RUBCN: variants seen among roughly 807,000 people sequenced by gnomAD.
The protein encoded by RUBCN is rubicon autophagy regulator.
RUBCN carries 74 observed loss-of-function variants against 113.2 expected under a neutral mutation model. The ratio of observed to expected loss-of-function variants is 0.65; its 90% CI spans 0.54 to 0.79. RUBCN has a LOEUF of 0.79. Ranked by LOEUF, RUBCN falls within the 30% of genes least tolerant of loss-of-function variation. RUBCN has a pLI of 0.00. For missense variants in RUBCN, 1,109 were observed against 1,251.7 expected (o/e 0.89, Z 1.72); for synonymous variants, 480 against 490.0 (o/e 0.98, Z 0.27).
At chr3:197,749,637 C>G in exon 1 of RUBCN, 1 of 951,038 alleles carries the variant, frequency 1.1e-6, no homozygotes, top group South Asian at 1.4e-5. Flanking sequence ...TCACTGAAGG[C>G]ATAAGATTCA....
intron 2 of RUBCN, among the ~76,000 whole-genome samples, chr3:197,712,216 G>A (rs1207864057): frequency 6.6e-6 from 1 of 152,110 alleles, no homozygotes. Context: ...ACAGAAAAGA[G>A]GCTATCAAAT....
At chr3:197,729,401 C>T (rs993934836) in intron 1 of RUBCN, among the ~76,000 whole-genome samples, 1 of 151,788 alleles carries the variant, frequency 6.6e-6, no homozygotes, top group Admixed American at 6.6e-5. Flanking sequence ...TACAGGCGCC[C>T]GCCACCACGC....
At chr3:197,678,899 C>T (rs1266042031) in intron 16 of RUBCN, among the ~76,000 whole-genome samples, 68 of 148,044 alleles carry the variant, frequency 4.6e-4, no homozygotes, top group Non-Finnish European at 7.9e-4. Flanking sequence ...GACTGTCCTA[C>T]GCTCTAACAA....
intron 1 of RUBCN, among the ~76,000 whole-genome samples, chr3:197,731,100 T>C (rs1031968454): frequency 6.6e-6 from 1 of 151,728 alleles, no homozygotes; most frequent in African/African-American, 2.4e-5. Context: ...GATAAACAAG[T>C]GAACAAAGGT....
chr3:197,726,873 A>G (rs1185629997), intron 1 of RUBCN, among the ~76,000 whole-genome samples: 3 of 151,728 alleles, frequency 2.0e-5, no homozygotes, highest in Non-Finnish European at 2.9e-5. Context: ...AAGAAAATAG[A>G]CATCATAGTC....
At chr3:197,701,994 C>T in intron 5 of RUBCN, 130 bp from the exon 6 acceptor site, 1 of 801,616 alleles carries the variant, frequency 1.2e-6, no homozygotes, top group African/African-American at 1.7e-5. Context: ...TAGCCAGAGC[C>T]TGTAGATACA....
At chr3:197,733,190 C>T (rs567861868) in intron 1 of RUBCN, among the ~76,000 whole-genome samples, 33 of 152,280 alleles carry the variant, frequency 2.2e-4, no homozygotes, top group South Asian at 8.3e-4. Flanking sequence ...ATGACACTAC[C>T]GGCTGGGCAC....
chr3:197,727,610 C>T (rs943444114), intron 1 of RUBCN, among the ~76,000 whole-genome samples: 1 of 152,200 alleles, frequency 6.6e-6, no homozygotes, highest in Admixed American at 6.5e-5. Context: ...GTCAGGTCTG[C>T]AGGTAAGCAT....
Position 197,679,368 on chromosome 3 carries a change from T to C in RUBCN, c.2430+1761A>G, listed in dbSNP as rs151301396. Among the ~76,000 whole-genome samples, 1,242 of 133,268 alleles carry C rather than the reference T, an allele frequency of 9.3e-3. 14 individuals are homozygous for C. The highest frequency in any genetic ancestry group is 0.043 in the South Asian group (159 of 3,692). 87.4% of individuals were successfully genotyped at this position (133,268 alleles called of 152,430 possible). A position where few individuals can be genotyped will look rare whatever the true frequency, so the allele number is the denominator to read the frequency against. Reference sequence around the variant, plus strand: ...CTACGCTCTGACTGACAACTGGCTTTAGACTGTCCTACGCTCTAACTTGTC... The same window carrying C: ...CTACGCTCTGACTGACAACTGGCTTCAGACTGTCCTACGCTCTAACTTGTC... On this transcript the variant is annotated intron_variant, in intron 16 of 19. Transcript: ENST00000296343.
rs776599958 is a variant in RUBCN, at chr3:197,684,181, T to C, written c.1823A>G (p.Lys608Arg). The change falls in exon 12 of 20, where the codon AAA becomes AGA. Residue 608 changes from lysine (K) to arginine (R), a missense_variant. Lys to Arg is a conservative substitution (Grantham distance 26). Transcript: ENST00000296343. Reference protein sequence around the residue: ...DIRRNTASSSKSFVSSQSFSH... With the variant: ...DIRRNTASSSRSFVSSQSFSH... ...CAAGGACTGGGAGGAAACGAAGGAT[T>C]TGCTGCTTGAGGCTGTGTTCCTTCT... 3.1e-6 allele frequency: 5 copies of C among 1,613,682 alleles called. No homozygotes were observed. Among genetic ancestry groups the C allele is most frequent in the Admixed American group, 1.7e-5 (1 of 60,008 alleles).
At position 197,726,285 on chromosome 3, in the gene RUBCN, C is replaced by T. The variant is rs577225981; in HGVS notation, c.66-8155G>A. Among the ~76,000 whole-genome samples, 477 of 152,114 alleles carry T rather than the reference C, an allele frequency of 3.1e-3. 2 individuals are homozygous for T. Among genetic ancestry groups the T allele is most frequent in the Non-Finnish European group, 4.8e-3 (327 of 68,010 alleles). On this transcript the variant is annotated intron_variant, in intron 1 of 19. Coordinates refer to ENST00000296343, the MANE Select transcript of RUBCN (RefSeq NM_014687.4). Reference sequence around the variant, plus strand: ...TTTTTGAGACGGAGTCTCGCTCTGTCGCCCAGGCTGGAGTGCAGTGGCGTG... The same window carrying T: ...TTTTTGAGACGGAGTCTCGCTCTGTTGCCCAGGCTGGAGTGCAGTGGCGTG...
chr3:197,671,297 G>A lies in RUBCN; in HGVS notation c.*3721C>T, dbSNP rs1018891839. The A allele has an allele frequency of 1.3e-5, 2 of 152,142 alleles. No homozygotes were observed. The highest frequency in any genetic ancestry group is 4.8e-5 in the African/African-American group (2 of 41,416). The allele number at this position is 152,142 out of a possible 1,614,324, so 9.4% of individuals were successfully genotyped here. ...TCAAAGTACTGGATGACACTCGTGA[G>A]CCACCGCGCCCGGCTCCTCATCCCA... On this transcript the variant is annotated 3_prime_UTR_variant, in exon 20 of 20. Coordinates refer to ENST00000296343, the MANE Select transcript of RUBCN (RefSeq NM_014687.4).
At chr3:197,684,065 G>C in intron 12 of RUBCN, 92 bp downstream of exon 12, 1 of 991,956 alleles carries the variant, frequency 1.0e-6, no homozygotes, top group Non-Finnish European at 1.6e-6. Context: ...ACATCTGGAT[G>C]GCTTTGCCCA....
chr3:197,703,397 CAAAAAA>C (rs1165064210), intron 5 of RUBCN, 145 bp downstream of exon 5: 425 of 155,234 alleles, frequency 2.7e-3, no homozygotes, highest in Admixed American at 4.8e-3. Context: ...GACTCTGTCT[CAAAAAA>C]AAAAAAAAAA....
intron 4 of RUBCN, 83 bp downstream of exon 4, chr3:197,704,459 C>T: frequency 7.6e-7 from 1 of 1,317,756 alleles, no homozygotes; most frequent in South Asian, 1.2e-5. Context: ...AAATAGGAGG[C>T]CCTGGTACCA....
intron 16 of RUBCN, among the ~76,000 whole-genome samples, chr3:197,680,647 G>C (rs555653502): frequency 6.6e-6 from 1 of 152,356 alleles, no homozygotes; most frequent in Non-Finnish European, 1.5e-5. Context: ...CCTCTAGTCA[G>C]GGAAGGCCCC....
At chr3:197,719,470 T>C (rs956837431) in intron 1 of RUBCN, among the ~76,000 whole-genome samples, 16 of 141,500 alleles carry the variant, frequency 1.1e-4, no homozygotes, top group East Asian at 4.0e-4. Flanking sequence ...AAGTGTGAGA[T>C]TGTCTCAAAA....
At chr3:197,743,853 G>A (rs916146666) in intron 1 of RUBCN, among the ~76,000 whole-genome samples, 30 of 151,982 alleles carry the variant, frequency 2.0e-4, no homozygotes, top group African/African-American at 6.8e-4. Context: ...GCGTGGTGGC[G>A]AGCGCCTGTA....
rs1719713685 is a variant in RUBCN at position 197,670,791 on chromosome 3, G to C, written c.*4227C>G. ...TGGTTTAGTCCCTGGCAAGGAAAGA[G>C]CTGGCAGTTTAATAATAAAGTGACT... is the stretch of plus-strand genomic sequence containing the variant. On this transcript the variant is annotated 3_prime_UTR_variant, in exon 20 of 20. Transcript: ENST00000296343. 6.6e-6 allele frequency among the ~76,000 whole-genome samples: 1 copy of C among 152,210 alleles called. No homozygotes were observed. The highest frequency in any genetic ancestry group is 1.5e-5 in the Non-Finnish European group (1 of 68,046).
Sources: gnomAD v4.1 joint callset for allele counts (sites outside exome capture counted in the v4.1 genomes callset) on GRCh38, gnomAD v4.1.1 for gene constraint, MANE v1.5 for transcripts, NCBI Gene and HGNC (gene_info 2026-07-23, HGNC 2026-07-21) for gene names.